Variants in ASB7 observed in about 807,000 individuals in gnomAD.
The protein encoded by ASB7 is ankyrin repeat and SOCS box protein 7.
ASB7 carries 4 observed loss-of-function variants against 32.5 expected under a neutral mutation model. That is an observed-to-expected ratio of 0.12 (90% CI 0.06 to 0.28). ASB7 has a LOEUF of 0.28. Among genes scored for constraint, ASB7 ranks in the 10% least tolerant of loss-of-function variants. The pLI is 1.00. For missense variants in ASB7, 181 were observed against 407.1 expected, an observed-to-expected ratio of 0.44 and a Z score of 4.78; for synonymous variants, 172 against 155.6, an observed-to-expected ratio of 1.11 and a Z score of -0.78.
At chr15:100,641,064 C>T (rs2039957734) in intron 5 of ASB7, among the ~76,000 whole-genome samples, 1 of 145,414 alleles carries the variant, frequency 6.9e-6, no homozygotes, top group Non-Finnish European at 1.5e-5. Flanking sequence ...TGTTATGATC[C>T]CGTGCACAGG....
intron 4 of ASB7, among the ~76,000 whole-genome samples, chr15:100,621,159 A>T (rs79789623): frequency 6.6e-6 from 1 of 152,232 alleles, no homozygotes; most frequent in Non-Finnish European, 1.5e-5. Flanking sequence ...AGTCTTAAAA[A>T]CAGTAGTTTA....
intron 2 of ASB7, among the ~76,000 whole-genome samples, chr15:100,605,457 T>C (rs561041473): frequency 6.6e-6 from 1 of 152,358 alleles, no homozygotes; most frequent in East Asian, 1.9e-4. Flanking sequence ...TAGTATACTG[T>C]GGCCAGTACT....
intron 2 of ASB7, among the ~76,000 whole-genome samples, chr15:100,607,931 A>C (rs944838035): frequency 3.3e-5 from 5 of 152,208 alleles, no homozygotes; most frequent in African/African-American, 1.2e-4. Flanking sequence ...TATTCTGCTC[A>C]GCTCTCATGC....
At position 100,626,647 on chromosome 15, in the gene ASB7, G is replaced by C. The variant is rs753537395; in HGVS notation, c.212-2790G>C. On this transcript the variant is annotated intron_variant, in intron 4 of 5. Transcript: ENST00000332783. Reference sequence around the variant, plus strand: ...TCTCTCTCTGTCTCTCTCTCTCTCTGTCTGTCTCTCTCTCATATATTAATT... The same window carrying C: ...TCTCTCTCTGTCTCTCTCTCTCTCTCTCTGTCTCTCTCTCATATATTAATT... Among the ~76,000 whole-genome samples, 35 of 151,732 alleles carry C rather than the reference G, an allele frequency of 2.3e-4. 1 individual carries two copies. Among genetic ancestry groups the C allele is most frequent in the Admixed American group, 3.9e-4 (6 of 15,238 alleles).
intron 4 of ASB7, among the ~76,000 whole-genome samples, chr15:100,616,226 G>A (rs1028697653): frequency 6.6e-6 from 1 of 151,846 alleles, no homozygotes. Flanking sequence ...TGCAAGACTG[G>A]GCTTTTTGTC....
intron 5 of ASB7, among the ~76,000 whole-genome samples, chr15:100,644,203 G>A (rs1233914459): frequency 6.6e-6 from 1 of 152,170 alleles, no homozygotes. Context: ...AATTGAGATT[G>A]CACCACTGCA....
rs1022643336 is a variant in ASB7 at position 100,650,062 on chromosome 15, C to G, written c.*1600C>G. ...GCGTTTGCTCTTAGACTCTGATCTGCTTGTGCCTAAGCATTGCACAGGTTT... is the reference window on the plus strand; with the variant it reads ...GCGTTTGCTCTTAGACTCTGATCTGGTTGTGCCTAAGCATTGCACAGGTTT... On this transcript the variant is annotated 3_prime_UTR_variant, in exon 6 of 6. Transcript: ENST00000332783. The G allele has an allele frequency of 1.3e-5, 2 of 152,228 alleles. No homozygotes were observed. The highest frequency in any genetic ancestry group is 4.8e-5 in the African/African-American group (2 of 41,454). 9.4% of individuals were successfully genotyped at this position (152,228 alleles called of 1,614,324 possible). A position where few individuals can be genotyped will look rare whatever the true frequency, so the allele number is the denominator to read the frequency against.
chr15:100,603,339 C>G (rs1214391913), intron 2 of ASB7, 26 bp downstream of exon 2: 1 of 231,084 alleles, frequency 4.3e-6, no homozygotes, highest in South Asian at 1.8e-4. Context: ...TCCCCTCCCC[C>G]GTTGTTTATT....
Position 100,638,356 on chromosome 15 carries a change from A to T in ASB7, c.817+8314A>T, listed in dbSNP as rs1051037691. The T allele has an allele frequency of 9.2e-5, 14 of 152,338 alleles. 1 individual carries two copies. The highest frequency in any genetic ancestry group is 8.5e-4 in the Admixed American group (13 of 15,306). The allele number at this position is 152,338 out of a possible 1,614,324, so 9.4% of individuals were successfully genotyped here. A position where few individuals can be genotyped will look rare whatever the true frequency, so the allele number is the denominator to read the frequency against. On this transcript the variant is annotated intron_variant, in intron 5 of 5. Transcript: ENST00000332783. ...TGATTTCCTGAAGTTTGTTTATAAAACTGGCTGGCTAGTCCAAAGGTAGCG... is the reference window on the plus strand; with the variant it reads ...TGATTTCCTGAAGTTTGTTTATAAATCTGGCTGGCTAGTCCAAAGGTAGCG...
intron 2 of ASB7, among the ~76,000 whole-genome samples, chr15:100,606,282 T>C (rs2039644455): frequency 6.6e-6 from 1 of 152,222 alleles, no homozygotes; most frequent in Non-Finnish European, 1.5e-5. Flanking sequence ...TGCAAAGAAA[T>C]GCTTATTTCT....
At chr15:100,627,163 G>T (rs543619239) in intron 4 of ASB7, among the ~76,000 whole-genome samples, 3 of 151,438 alleles carry the variant, frequency 2.0e-5, no homozygotes, top group East Asian at 3.9e-4. Flanking sequence ...TTTTTTTCTC[G>T]TAAATTTAAA....
intron 2 of ASB7, among the ~76,000 whole-genome samples, chr15:100,608,981 T>C (rs935718213): frequency 1.3e-5 from 2 of 152,212 alleles, no homozygotes; most frequent in Non-Finnish European, 2.9e-5. Flanking sequence ...TCTCCCAATA[T>C]GTAATTCCTA....
chr15:100,632,051 G>A (rs1451354741), intron 5 of ASB7, among the ~76,000 whole-genome samples: 5 of 152,240 alleles, frequency 3.3e-5, no homozygotes, highest in Admixed American at 1.3e-4. Context: ...GGCGGCTGCC[G>A]TGTGTCCCTG....
At chr15:100,647,178 A>G (rs888150306) in intron 5 of ASB7, among the ~76,000 whole-genome samples, 7 of 152,226 alleles carry the variant, frequency 4.6e-5, no homozygotes, top group African/African-American at 1.7e-4. Flanking sequence ...GAGATAGCCC[A>G]CATAAAAGTT....
At chr15:100,603,104 G>C in intron 1 of ASB7, 58 bp downstream of exon 1, 1 of 398,742 alleles carries the variant, frequency 2.5e-6, no homozygotes, top group South Asian at 1.3e-4. Flanking sequence ...TAGGAGGGAG[G>C]AAAATCTCTG....
chr15:100,623,181 C>A (rs1250111623), intron 4 of ASB7, among the ~76,000 whole-genome samples: 2 of 152,076 alleles, frequency 1.3e-5, no homozygotes, highest in Non-Finnish European at 2.9e-5. Flanking sequence ...GGTGGATCAC[C>A]TGAGGCCAGG....
At chr15:100,639,821 T>C (rs2039948739) in intron 5 of ASB7, among the ~76,000 whole-genome samples, 1 of 152,224 alleles carries the variant, frequency 6.6e-6, no homozygotes, top group Non-Finnish European at 1.5e-5. Flanking sequence ...TCCTGCCCTT[T>C]ATAGTATTTA....
intron 4 of ASB7, among the ~76,000 whole-genome samples, chr15:100,626,460 G>GTAGA: frequency 6.6e-6 from 1 of 152,170 alleles, no homozygotes; most frequent in East Asian, 1.9e-4. Flanking sequence ...ATACCAAGAT[G>GTAGA]TAGAACAATC....
intron 5 of ASB7, among the ~76,000 whole-genome samples, chr15:100,632,872 A>AAAG (rs1165060586): frequency 8.6e-5 from 13 of 152,006 alleles, no homozygotes; most frequent in African/African-American, 3.1e-4. Context: ...AAAAAAAAAA[A>AAAG]CAGAGCGCAC....
Sources: allele counts gnomAD v4.1 joint callset (sites outside exome capture counted in the v4.1 genomes callset), GRCh38; gene constraint gnomAD v4.1.1; transcripts MANE v1.5; gene names NCBI Gene and HGNC (gene_info 2026-07-23, HGNC 2026-07-21).